The following HNRNPH1 variants were observed in gnomAD, a reference collection of about 807,000 sequenced individuals.
HNRNPH1 encodes heterogeneous nuclear ribonucleoprotein H.
HNRNPH1 carries 4 observed loss-of-function variants against 58.6 expected under a neutral mutation model. That is an observed-to-expected ratio of 0.07 (90% confidence interval 0.03 to 0.16). The LOEUF (loss-of-function observed/expected upper bound fraction) is 0.16. Ranked by LOEUF, HNRNPH1 falls within the 10% of genes least tolerant of loss-of-function variation. The pLI is 1.00. For synonymous variants in HNRNPH1, 192 were observed against 189.2 expected, an observed-to-expected ratio of 1.01 and a Z score of -0.12; for missense variants, 271 against 564.2, an observed-to-expected ratio of 0.48 and a Z score of 5.26.
chr5:179,625,710 T>G (rs367893228), upstream of HNRNPH1, among the ~76,000 whole-genome samples: 14 of 151,816 alleles, frequency 9.2e-5, no homozygotes, highest in African/African-American at 2.4e-4. Context: ...TTTCATACAC[T>G]TATAGCCAAT....
intron 4 of HNRNPH1, chr5:179,619,002 T>C: frequency 4.0e-6 from 1 of 248,542 alleles, no homozygotes. Flanking sequence ...TTTGCATTAA[T>C]TTTTTAAAGC....
At chr5:179,630,782 G>A (rs1774764386) in intron 2 of HNRNPH1, among the ~76,000 whole-genome samples, 1 of 151,672 alleles carries the variant, frequency 6.6e-6, no homozygotes, top group African/African-American at 2.4e-5. Flanking sequence ...GTGGTGACGG[G>A]CGCCTGTAGT....
chr5:179,631,128 G>A (rs371038407), intron 2 of HNRNPH1, among the ~76,000 whole-genome samples: 3 of 152,130 alleles, frequency 2.0e-5, no homozygotes, highest in South Asian at 4.2e-4. Flanking sequence ...AGTGGGATGG[G>A]GAGGCTGTGA....
chr5:179,623,741 C>T (rs940379101), exon 1 of HNRNPH1: 1 of 152,570 alleles, frequency 6.6e-6, no homozygotes, highest in Non-Finnish European at 1.5e-5. Context: ...GCCAGCTGCC[C>T]GCACCGCCCC....
At chr5:179,621,427 T>C in intron 1 of HNRNPH1, 30 bp from the exon 3 acceptor site, 2 of 1,602,926 alleles carry the variant, frequency 1.2e-6, no homozygotes, top group East Asian at 2.2e-5. Flanking sequence ...TAATACAGAA[T>C]TTAAAACCTA....
chr5:179,615,324 T>C lies in HNRNPH1; in HGVS notation c.*222A>G, dbSNP rs1229445242. The C allele has an allele frequency of 8.6e-5, 41 of 475,358 alleles. No homozygotes were observed. In the East Asian group the frequency reaches 1.3e-3, roughly 15 times the overall value. The allele number at this position is 475,358 out of a possible 1,614,324, so 29.4% of individuals were successfully genotyped here. A position where few individuals can be genotyped will look rare whatever the true frequency, so the allele number is the denominator to read the frequency against. On this transcript the variant is annotated intron_variant, in intron 12 of 12. Coordinates refer to ENST00000356731, the Ensembl canonical transcript of HNRNPH1. The stretch of plus-strand genomic sequence containing the variant: ...AACATAAACATTCACAATGTGTCCC[T>C]CGAATGGCATTTGAGAAAAGGGAGC...
At position 179,616,961 on chromosome 5, in the gene HNRNPH1, G is replaced by A. The variant is rs2127618386; in HGVS notation, c.1118-3C>T. On this transcript the variant is annotated splice_region_variant and splice_polypyrimidine_tract_variant and intron_variant, in intron 9 of 12. Coordinates refer to ENST00000356731, the Ensembl canonical transcript of HNRNPH1. ...GAAGAGTTCTACATATCTGTGTTCT[G>A]AAATGAGAGAAAAGGCATACAAGGT... 1 of 1,595,778 alleles carries A rather than the reference G, an allele frequency of 6.3e-7. No individual in the cohort carries two copies. The highest frequency in any genetic ancestry group is 2.3e-5 in the East Asian group (1 of 44,404).
chr5:179,623,097 C>G, exon 1 of HNRNPH1: 1 of 1,609,070 alleles, frequency 6.2e-7, no homozygotes, highest in Non-Finnish European at 8.5e-7. Context: ...CGGACCTTCA[C>G]CACGAATCCC....
At chr5:179,618,371 T>C (rs749410535) in intron 4 of HNRNPH1, 48 bp from the exon 6 acceptor site, 1 of 1,298,658 alleles carries the variant, frequency 7.7e-7, no homozygotes, top group Non-Finnish European at 1.1e-6. Flanking sequence ...GAGAAAACAT[T>C]AGTTCATTTT....
At chr5:179,630,365 TAAAAGA>T (rs150276856) in intron 2 of HNRNPH1, among the ~76,000 whole-genome samples, 13,497 of 150,544 alleles carry the variant, frequency 0.09, 645 homozygotes, top group Middle Eastern at 0.13. Context: ...AATAAATAAA[TAAAAGA>T]AAAAGAAAAA....
At chr5:179,621,357 G>A in exon 2 of HNRNPH1, 7 of 1,614,042 alleles carry the variant, frequency 4.3e-6, no homozygotes, top group Non-Finnish European at 5.9e-6. Flanking sequence ...CTCTGGTGTA[G>A]ATGAAACGAA....
intron 4 of HNRNPH1, 85 bp downstream of exon 5, chr5:179,619,184 A>G (rs1290859928): frequency 6.7e-5 from 81 of 1,210,972 alleles, no homozygotes; most frequent in Non-Finnish European, 8.8e-5. Context: ...ACAAAACATT[A>G]ATTTCTTCTT....
intron 8 of HNRNPH1, 137 bp from the exon 10 acceptor site, chr5:179,617,247 G>C: frequency 1.2e-6 from 1 of 869,468 alleles, no homozygotes; most frequent in East Asian, 2.6e-5. Context: ...CTTCTCTTAG[G>C]TGATCTACTT....
At chr5:179,614,872 A>G (rs1271660712) in exon 13 of HNRNPH1, 1 of 1,547,216 alleles carries the variant, frequency 6.5e-7, no homozygotes, top group East Asian at 2.4e-5. Context: ...CATACTGGAC[A>G]TGCTAGACAA....
At chr5:179,617,156 A>G (rs762217446) in intron 8 of HNRNPH1, 46 bp from the exon 10 acceptor site, 3 of 1,563,934 alleles carry the variant, frequency 1.9e-6, no homozygotes, top group East Asian at 2.2e-5. Flanking sequence ...TGGTGAAACA[A>G]AACAGAATAA....
intron 2 of HNRNPH1, among the ~76,000 whole-genome samples, chr5:179,631,648 G>C (rs1193342035): frequency 6.6e-6 from 1 of 152,150 alleles, no homozygotes; most frequent in Non-Finnish European, 1.5e-5. Flanking sequence ...TCAGGGGGCT[G>C]AGGCAGGAGA....
chr5:179,620,650 CAATG>C, intron 3 of HNRNPH1: 1 of 437,048 alleles, frequency 2.3e-6, no homozygotes, highest in South Asian at 3.3e-5. Context: ...GGGCAATCCT[CAATG>C]AAAGATCTAC....
exon 13 of HNRNPH1, chr5:179,614,673 T>A (rs1303177461): frequency 1.7e-5 from 9 of 533,596 alleles, no homozygotes; most frequent in African/African-American, 3.8e-5. Flanking sequence ...ATGAGTATTG[T>A]ATTCAAAAAT....
At chr5:179,616,018 C>T (rs1401784221) in intron 11 of HNRNPH1, 108 bp downstream of exon 12, 2 of 958,728 alleles carry the variant, frequency 2.1e-6, no homozygotes, top group Non-Finnish European at 3.3e-6. Context: ...CACCTGCCTG[C>T]GACTTACTCT....
Sources: gnomAD v4.1 joint callset for allele counts (sites outside exome capture counted in the v4.1 genomes callset) on GRCh38, gnomAD v4.1.1 for gene constraint, MANE v1.5 for transcripts, NCBI Gene and HGNC (gene_info 2026-07-23, HGNC 2026-07-21) for gene names.